Variants in MECOM observed in about 807,000 individuals in gnomAD.
MECOM encodes the protein histone-lysine N-methyltransferase MECOM.
Under a neutral mutation model 116.3 loss-of-function variants are expected in MECOM, and 13 were observed. The observed-to-expected ratio is 0.11, with a 90% CI of 0.07 to 0.18. MECOM has a LOEUF of 0.18. MECOM is among the 10% of genes least tolerant of loss of function. The pLI is 1.00. For synonymous variants in MECOM, 528 were observed against 535.2 expected, an observed-to-expected ratio of 0.99 and a Z score of 0.19; for missense variants, 1,299 against 1,509.0, an observed-to-expected ratio of 0.86 and a Z score of 2.31.
intron 1 of MECOM, among the ~76,000 whole-genome samples, chr3:169,464,980 T>A (rs1222141827): frequency 2.6e-5 from 4 of 152,156 alleles, no homozygotes; most frequent in Admixed American, 6.6e-5. Flanking sequence ...GTTGAAAATG[T>A]TTCCTCAATT....
chr3:169,254,724 A>G (rs898014129), intron 2 of MECOM, among the ~76,000 whole-genome samples: 16 of 152,174 alleles, frequency 1.1e-4, no homozygotes, highest in African/African-American at 2.2e-4. Context: ...AAGGAAAAAG[A>G]TATTTCTTTC....
intron 2 of MECOM, among the ~76,000 whole-genome samples, chr3:169,273,558 G>A (rs1208501266): frequency 6.6e-6 from 1 of 152,176 alleles, no homozygotes; most frequent in Admixed American, 6.5e-5. Flanking sequence ...ATCCTGGTTG[G>A]CCTCTAAGTA....
chr3:169,577,857 A>G (rs1276132877), intron 1 of MECOM, among the ~76,000 whole-genome samples: 1 of 152,182 alleles, frequency 6.6e-6, no homozygotes, highest in Non-Finnish European at 1.5e-5. Flanking sequence ...CAAGTCAGTT[A>G]ACGGAGCTCA....
intron 1 of MECOM, among the ~76,000 whole-genome samples, chr3:169,507,961 C>A (rs1755491023): frequency 6.6e-6 from 1 of 152,046 alleles, no homozygotes; most frequent in African/African-American, 2.4e-5. Flanking sequence ...CGCCCGGCCC[C>A]AACTTGCCAT....
intron 2 of MECOM, among the ~76,000 whole-genome samples, chr3:169,271,556 C>T (rs1282402960): frequency 2.6e-5 from 4 of 152,120 alleles, no homozygotes; most frequent in Non-Finnish European, 5.9e-5. Context: ...GGGAGCTGAA[C>T]TCGAGAACAC....
At chr3:169,241,801 C>A (rs999810899) in intron 2 of MECOM, among the ~76,000 whole-genome samples, 5 of 152,110 alleles carry the variant, frequency 3.3e-5, no homozygotes, top group African/African-American at 1.2e-4. Flanking sequence ...TTCACTTTGG[C>A]TACTTCAGCG....
chr3:169,483,920 C>A (rs1751760938), intron 1 of MECOM: 4 of 1,608,780 alleles, frequency 2.5e-6, no homozygotes, highest in Non-Finnish European at 3.4e-6. Context: ...TCACTTTGAT[C>A]CTTTCTTGCA....
At chr3:169,561,592 A>G (rs139256943) in intron 1 of MECOM, among the ~76,000 whole-genome samples, 224 of 152,306 alleles carry the variant, frequency 1.5e-3, no homozygotes, top group African/African-American at 5.2e-3. Flanking sequence ...TGCATGGGAT[A>G]GCTAAACACC....
At chr3:169,418,998 A>G (rs1739241563) in intron 1 of MECOM, among the ~76,000 whole-genome samples, 1 of 152,210 alleles carries the variant, frequency 6.6e-6, no homozygotes, top group East Asian at 1.9e-4. Flanking sequence ...AGGAAAACAC[A>G]TTGTCTCTGT....
chr3:169,257,144 A>G (rs1378114832), intron 2 of MECOM, among the ~76,000 whole-genome samples: 1 of 152,226 alleles, frequency 6.6e-6, no homozygotes, highest in East Asian at 1.9e-4. Context: ...AAGAAAAAAG[A>G]ATGAGCAAAA....
At chr3:169,579,813 T>C (rs1293039909) in intron 1 of MECOM, among the ~76,000 whole-genome samples, 1 of 152,194 alleles carries the variant, frequency 6.6e-6, no homozygotes, top group Non-Finnish European at 1.5e-5. Flanking sequence ...CTAGCTGATC[T>C]GCCAACAGCA....
At chr3:169,595,172 T>G (rs1268581239) in intron 1 of MECOM, among the ~76,000 whole-genome samples, 1 of 152,146 alleles carries the variant, frequency 6.6e-6, no homozygotes, top group Non-Finnish European at 1.5e-5. Flanking sequence ...AATTAAAAGT[T>G]TAAAAAGAAA....
rs551281123 is a variant in MECOM at position 169,154,732 on chromosome 3, A to G, written c.376-10900T>C. Among the ~76,000 whole-genome samples, 43 of 152,322 alleles carry G rather than the reference A, an allele frequency of 2.8e-4. No homozygotes were observed. The South Asian group carries it at 6.0e-3, about 21-fold the overall frequency. ...AATCACTTAGAATCATGAAGAGGAT[A>G]TAGGATATAGTCAATAGAAAATAGC... On this transcript the variant is annotated intron_variant, in intron 2 of 16. Coordinates refer to ENST00000651503, the MANE Select transcript of MECOM (RefSeq NM_004991.4).
At position 169,183,761 on chromosome 3, in the gene MECOM, TACACACACACACACACACACACAC is replaced by T. The variant is rs71166249; in HGVS notation, c.376-39953_376-39930del. Among the ~76,000 whole-genome samples the T allele has an allele frequency of 3.0e-4, 36 of 118,784 alleles. 1 individual carries two copies. Among genetic ancestry groups the T allele is most frequent in the Admixed American group, 7.8e-4 (9 of 11,602 alleles). 77.9% of individuals were successfully genotyped at this position (118,784 alleles called of 152,430 possible). A position where few individuals can be genotyped will look rare whatever the true frequency, so the allele number is the denominator to read the frequency against. Reference sequence around the variant, plus strand: ...TTAAGGACTGTAGAAGATACATACATACACACACACACACACACACACACACACACACACACACACACACACACA... The same window carrying T: ...TTAAGGACTGTAGAAGATACATACATACACACACACACACACACACACACA... On this transcript the variant is annotated intron_variant, in intron 2 of 16. Transcript: ENST00000651503.
chr3:169,554,668 AC>A (rs1761827147), intron 1 of MECOM, among the ~76,000 whole-genome samples: 1 of 152,164 alleles, frequency 6.6e-6, no homozygotes, highest in African/African-American at 2.4e-5. Context: ...ATATTCTTAA[AC>A]CCATAGTTTC....
At chr3:169,529,919 G>A (rs1576736579) in intron 1 of MECOM, among the ~76,000 whole-genome samples, 4 of 152,238 alleles carry the variant, frequency 2.6e-5, no homozygotes, top group South Asian at 4.1e-4. Flanking sequence ...GAATAAATAG[G>A]ACACAGTCTC....
At chr3:169,377,232 A>T (rs1462334097) in intron 2 of MECOM, among the ~76,000 whole-genome samples, 2 of 152,210 alleles carry the variant, frequency 1.3e-5, no homozygotes, top group Non-Finnish European at 2.9e-5. Flanking sequence ...CTCTAGAAGA[A>T]AACCTAGGCA....
rs756367370 is a variant in MECOM, at chr3:169,116,488, C to A, written c.1384G>T (p.Ala462Ser). Reference protein sequence around the residue: ...DKTSMVNMSHANPGLADYFGA... With the variant: ...DKTSMVNMSHSNPGLADYFGA... Reference sequence around the variant, plus strand: ...AAATAGTCAGCAAGGCCCGGGTTGGCATGACTCATATTAACCATGGACGTT... The same window carrying A: ...AAATAGTCAGCAAGGCCCGGGTTGGAATGACTCATATTAACCATGGACGTT... Residue 462 changes from alanine (A) to serine (S), a missense_variant, in exon 8 of 17, where the codon GCC (alanine) becomes TCC (serine). Coordinates refer to ENST00000651503, the MANE Select transcript of MECOM (RefSeq NM_004991.4). 3.1e-6 allele frequency: 5 copies of A among 1,614,186 alleles called. No individual in the cohort carries two copies. The South Asian group carries it at 5.5e-5, about 18-fold the overall frequency.
chr3:169,200,294 G>A (rs934752118), intron 2 of MECOM, among the ~76,000 whole-genome samples: 1 of 152,032 alleles, frequency 6.6e-6, no homozygotes, highest in African/African-American at 2.4e-5. Context: ...TCAGCTAATA[G>A]CACAGTTCTT....
Sources: gnomAD v4.1 joint callset for allele counts (sites outside exome capture counted in the v4.1 genomes callset) on GRCh38, gnomAD v4.1.1 for gene constraint, MANE v1.5 for transcripts, NCBI Gene and HGNC (gene_info 2026-07-23, HGNC 2026-07-21) for gene names.